The following URB1 variants were observed in gnomAD, a reference collection of about 807,000 sequenced individuals.
URB1 encodes URB1 ribosome biogenesis factor.
Under a neutral mutation model 242.3 loss-of-function variants are expected in URB1, and 197 were observed. The observed-to-expected ratio is 0.81, with a 90% CI of 0.72 to 0.91. URB1 has a LOEUF of 0.91. Among genes scored for constraint, URB1 ranks in the 40% least tolerant of loss-of-function variants. The probability of loss-of-function intolerance (pLI) is 0.00; values close to 1 mark genes in which losing one functional copy is unlikely to be tolerated. For synonymous variants in URB1, 1,153 were observed against 1,201.8 expected (o/e 0.96, Z 0.84); for missense variants, 2,721 against 2,860.5 (o/e 0.95, Z 1.11).
At position 32,315,046 on chromosome 21, in the gene URB1, G is replaced by A. The variant is rs369947786; in HGVS notation, c.6688C>T (p.Gln2230Ter). 3 of 1,550,324 alleles carry A rather than the reference G, an allele frequency of 1.9e-6. No homozygotes were observed. In the South Asian group the frequency reaches 3.6e-5, roughly 18 times the overall value. Residue 2230 changes from glutamine (Q) to a stop codon, truncating the protein, a stop_gained, in exon 39 of 39, where the codon CAG becomes TAG. Coordinates refer to ENST00000382751, the MANE Select transcript of URB1 (RefSeq NM_014825.3). LOFTEE classifies it low-confidence loss of function (END_TRUNC). ...TGGGTTAAGAGGGTGTCCGGCCGCTGAGCCCCCAGCCAGATGTCCTTTATG... is the reference window on the plus strand; with the variant it reads ...TGGGTTAAGAGGGTGTCCGGCCGCTAAGCCCCCAGCCAGATGTCCTTTATG... ...LYIKDIWLGA[Q>*]RPDTLLTHVR...
intron 34 of URB1, 53 bp from the exon 35 acceptor site, chr21:32,320,693 GATTA>G: frequency 7.7e-7 from 1 of 1,297,714 alleles, no homozygotes; most frequent in Non-Finnish European, 1.1e-6. Context: ...CACTTTACTT[GATTA>G]AAGAAACCGT....
In URB1 at chr21:32,319,296, G is replaced by A. The variant is rs765403095; in HGVS notation, c.5713C>T (p.Gln1905Ter). ...AGGGCAAGCCGCTTGGCAGGCTCCT[G>A]GGAGCTAGGCTGGCAAAGGCGCTGG... The part of the protein sequence containing the change: ...ESQRLCQPSS[Q>*]EPAKRLALHL... Residue 1905 changes from glutamine to a stop codon, truncating the protein, a stop_gained, in exon 36 of 39, where the codon CAG becomes TAG. Transcript: ENST00000382751. LOFTEE classifies it high-confidence loss of function. 44 of 1,551,032 alleles carry A rather than the reference G, an allele frequency of 2.8e-5. No individual in the cohort carries two copies. The highest frequency in any genetic ancestry group is 3.7e-5 in the Non-Finnish European group (42 of 1,146,738).
At chr21:32,322,024 T>G in intron 33 of URB1, 80 bp from the exon 34 acceptor site, 1 of 1,490,532 alleles carries the variant, frequency 6.7e-7, no homozygotes. Context: ...ACCACTATTT[T>G]AAGTGGTGGC....
chr21:32,372,804 A>C (rs2033420838), intron 7 of URB1, among the ~76,000 whole-genome samples, 173 bp from the exon 8 acceptor site: 1 of 152,242 alleles, frequency 6.6e-6, no homozygotes. Flanking sequence ...TACACCGATC[A>C]AGATAAAAGA....
chr21:32,340,884 T>C lies in URB1; in HGVS notation c.4316+582A>G, dbSNP rs73903303. Among the ~76,000 whole-genome samples, 908 of 152,166 alleles carry C rather than the reference T, an allele frequency of 6.0e-3. 11 individuals carry two copies. Among genetic ancestry groups the C allele is most frequent in the East Asian group, 0.021 (108 of 5,170 alleles). On this transcript the variant is annotated intron_variant, in intron 25 of 38. Coordinates refer to ENST00000382751, the MANE Select transcript of URB1 (RefSeq NM_014825.3). ...AGAGGACTGGCTAAGTAATCTGGAATATAGTCAAAAGACCGAATATTCTAC... is the reference window on the plus strand; with the variant it reads ...AGAGGACTGGCTAAGTAATCTGGAACATAGTCAAAAGACCGAATATTCTAC...
At chr21:32,362,758 T>C (rs1004516930) in intron 11 of URB1, among the ~76,000 whole-genome samples, 1 of 152,096 alleles carries the variant, frequency 6.6e-6, no homozygotes, top group African/African-American at 2.4e-5. Context: ...AGCCACTGCA[T>C]CCCTTCTCAC....
At chr21:32,322,285 G>A (rs1273367296) in intron 33 of URB1, among the ~76,000 whole-genome samples, 193 bp downstream of exon 33, 1 of 152,214 alleles carries the variant, frequency 6.6e-6, no homozygotes, top group Non-Finnish European at 1.5e-5. Flanking sequence ...GAGTTTTTAA[G>A]GTTTGAGGCG....
Position 32,317,068 on chromosome 21 carries a change from G to C in URB1, c.6035-3C>G, listed in dbSNP as rs760282010. On this transcript the variant is annotated splice_region_variant and splice_polypyrimidine_tract_variant and intron_variant, in intron 37 of 38. Transcript: ENST00000382751. ...CTTGTTCTTATCCTTGAGCATTTCT[G>C]TTAAATGCACAAAGAGAAGGTAATG... 7 of 1,524,680 alleles carry C rather than the reference G, an allele frequency of 4.6e-6. No homozygotes were observed. Among genetic ancestry groups the C allele is most frequent in the Non-Finnish European group, 6.2e-6 (7 of 1,135,908 alleles). The allele number at this position is 1,524,680 out of a possible 1,614,324, so 94.4% of individuals were successfully genotyped here. A position where few individuals can be genotyped will look rare whatever the true frequency, so the allele number is the denominator to read the frequency against.
At position 32,334,183 on chromosome 21, in the gene URB1, G is replaced by T; in HGVS notation, c.4837C>A (p.Arg1613=). ...CCAACCTCGGGGGGCAGCAGCCTCCGGTTCTGGGGGAAGTGCAGGATGGTC... is the reference window on the plus strand; with the variant it reads ...CCAACCTCGGGGGGCAGCAGCCTCCTGTTCTGGGGGAAGTGCAGGATGGTC... ...MQTILHFPQN[R]RLLPPEDTQE... The change falls in exon 29 of 39, where the codon CGG becomes AGG. Residue 1613 remains arginine (R), a synonymous_variant. Transcript: ENST00000382751. 1 of 1,548,124 alleles carries T rather than the reference G, an allele frequency of 6.5e-7. No individual in the cohort carries two copies. The highest frequency in any genetic ancestry group is 1.2e-5 in the South Asian group (1 of 83,910).
chr21:32,316,081 G>A (rs1056326688), intron 38 of URB1, among the ~76,000 whole-genome samples: 2 of 152,200 alleles, frequency 1.3e-5, no homozygotes, highest in East Asian at 1.9e-4. Context: ...ATGCACATGC[G>A]CACACATGCA....
chr21:32,374,390 C>T (rs999012513), intron 6 of URB1, among the ~76,000 whole-genome samples: 1 of 152,164 alleles, frequency 6.6e-6, no homozygotes, highest in African/African-American at 2.4e-5. Flanking sequence ...CAGATACATT[C>T]CCCTAGAGGT....
At chr21:32,328,177 G>C (rs549117062) in intron 30 of URB1, among the ~76,000 whole-genome samples, 1 of 152,246 alleles carries the variant, frequency 6.6e-6, no homozygotes, top group East Asian at 1.9e-4. Flanking sequence ...CTCCTTTGTC[G>C]CCCAGGCTGG....
At chr21:32,360,656 C>G (rs1568824691) in intron 13 of URB1, among the ~76,000 whole-genome samples, 1 of 152,104 alleles carries the variant, frequency 6.6e-6, no homozygotes, top group Non-Finnish European at 1.5e-5. Flanking sequence ...ACAGGATGTC[C>G]CTTCTGCAGG....
intron 30 of URB1, 27 bp from the exon 31 acceptor site, chr21:32,325,416 A>G (rs1246078622): frequency 6.5e-7 from 1 of 1,538,526 alleles, no homozygotes; most frequent in African/African-American, 1.4e-5. Context: ...ACAGCATGAA[A>G]CACACACAAT....
At chr21:32,352,960 T>C (rs1428266208) in intron 18 of URB1, 54 bp from the exon 19 acceptor site, 4 of 1,479,408 alleles carry the variant, frequency 2.7e-6, no homozygotes, top group Non-Finnish European at 2.7e-6. Context: ...CACCCTTCTG[T>C]GACCTACCAA....
intron 9 of URB1, 140 bp from the exon 10 acceptor site, chr21:32,366,895 G>A: frequency 1.1e-6 from 1 of 932,000 alleles, no homozygotes; most frequent in Admixed American, 2.9e-5. Flanking sequence ...AAGGCAGAGT[G>A]GAAGATTAAC....
chr21:32,340,441 G>A (rs775719674), intron 25 of URB1, among the ~76,000 whole-genome samples: 4 of 152,002 alleles, frequency 2.6e-5, no homozygotes, highest in African/African-American at 7.2e-5. Context: ...GTGAAACCAC[G>A]TCTCTACTAA....
At position 32,338,860 on chromosome 21, in the gene URB1, T is replaced by G. The variant is rs919999227; in HGVS notation, c.4357A>C (p.Thr1453Pro). Residue 1453 changes from threonine (T) to proline (P), a missense_variant, in exon 26 of 39, where the codon ACC (threonine) becomes CCC (proline). Coordinates refer to ENST00000382751, the MANE Select transcript of URB1 (RefSeq NM_014825.3). ...QDHTFLKMLL[T>P]AVQLLYSPES... ...GGGCTGTACAGGAGCTGTACGGCGGTGAGGAGCATCTTTAAAAATGTGTGG... is the reference window on the plus strand; with the variant it reads ...GGGCTGTACAGGAGCTGTACGGCGGGGAGGAGCATCTTTAAAAATGTGTGG... 2 of 1,549,740 alleles carry G rather than the reference T, an allele frequency of 1.3e-6. No homozygotes were observed. The highest frequency in any genetic ancestry group is 2.7e-5 in the African/African-American group (2 of 72,916).
chr21:32,364,316 T>C (rs557722118), intron 10 of URB1, among the ~76,000 whole-genome samples: 158 of 152,038 alleles, frequency 1.0e-3, no homozygotes, highest in Non-Finnish European at 1.8e-3. Flanking sequence ...TCAGGAGAAA[T>C]GTAGAAGCCC....
Sources: allele counts gnomAD v4.1 joint callset (sites outside exome capture counted in the v4.1 genomes callset), GRCh38; gene constraint gnomAD v4.1.1; transcripts MANE v1.5; gene names NCBI Gene and HGNC (gene_info 2026-07-23, HGNC 2026-07-21).